Variants in PCDHA1 observed in about 807,000 individuals in gnomAD.
PCDHA1 encodes protocadherin alpha 1, also known as protocadherin alpha-1.
In PCDHA1, 42 loss-of-function variants were observed where a neutral mutation model predicts 61.3. That is an observed-to-expected ratio of 0.69 (90% CI 0.54 to 0.89). The LOEUF is 0.89. PCDHA1 is among the 40% of genes least tolerant of loss of function. The pLI is 0.00. For synonymous variants in PCDHA1, 610 were observed against 553.8 expected, an observed-to-expected ratio of 1.10 and a Z score of -1.43; for missense variants, 1,256 against 1,235.3, an observed-to-expected ratio of 1.02 and a Z score of -0.25.
At position 140,882,956 on chromosome 5, in the gene PCDHA1, A is replaced by G; in HGVS notation, c.2394+94272A>G. The stretch of plus-strand genomic sequence containing the variant: ...GCTGACTGGCACAGTTCAGCTGCTC[A>G]TCACGATTCTGGACGTGAATGACAA... On this transcript the variant is annotated intron_variant, in intron 1 of 3. Coordinates refer to ENST00000504120, the MANE Select transcript of PCDHA1 (RefSeq NM_018900.4). The G allele has an allele frequency of 6.2e-7, 1 of 1,614,228 alleles. No individual in the cohort carries two copies. The highest frequency in any genetic ancestry group is 8.5e-7 in the Non-Finnish European group (1 of 1,180,044).
chr5:140,888,421 G>T (rs1046155514), intron 1 of PCDHA1, among the ~76,000 whole-genome samples: 9 of 152,144 alleles, frequency 5.9e-5, no homozygotes. Context: ...ACATCCTACC[G>T]TGCACAGGAC....
intron 1 of PCDHA1, chr5:140,823,125 C>T (rs2150122536): frequency 2.0e-5 from 32 of 1,613,928 alleles, no homozygotes; most frequent in South Asian, 2.0e-4. Context: ...TGAACGACAA[C>T]GCTCCGGCGT....
intron 1 of PCDHA1, among the ~76,000 whole-genome samples, chr5:140,955,016 T>C (rs1389069329): frequency 6.6e-6 from 1 of 152,226 alleles, no homozygotes; most frequent in Admixed American, 6.5e-5. Context: ...CCCAGCACCA[T>C]TTATTAAATA....
chr5:140,926,405 T>C (rs1554203436), intron 1 of PCDHA1: 1 of 152,454 alleles, frequency 6.6e-6, no homozygotes, highest in Non-Finnish European at 1.5e-5. Context: ...TTATCAGCAA[T>C]CTGCGGGCAG....
intron 3 of PCDHA1, among the ~76,000 whole-genome samples, chr5:141,003,148 GA>G (rs1554258931): frequency 1.3e-5 from 2 of 152,188 alleles, no homozygotes; most frequent in African/African-American, 4.8e-5. Flanking sequence ...CAAAGACTCT[GA>G]CCTGATCAAT....
At chr5:140,823,030 G>A (rs1767524981) in intron 1 of PCDHA1, 1 of 1,614,220 alleles carries the variant, frequency 6.2e-7, no homozygotes, top group Non-Finnish European at 8.5e-7. Context: ...GAGCGTGTCG[G>A]TCTATGAGCT....
At chr5:140,820,200 C>T (rs2150106247) in intron 1 of PCDHA1, among the ~76,000 whole-genome samples, 3 of 151,706 alleles carry the variant, frequency 2.0e-5, no homozygotes, top group African/African-American at 4.8e-5. Flanking sequence ...TGTGTTTCAA[C>T]GATCCAAATA....
At chr5:140,794,416 A>G (rs1192291946) in intron 1 of PCDHA1, among the ~76,000 whole-genome samples, 1 of 152,262 alleles carries the variant, frequency 6.6e-6, no homozygotes, top group African/African-American at 2.4e-5. Context: ...GAGTCCACTT[A>G]CACGAAATAT....
chr5:140,857,656 G>C (rs1269090821), intron 1 of PCDHA1: 1 of 1,596,806 alleles, frequency 6.3e-7, no homozygotes, highest in Non-Finnish European at 8.6e-7. Flanking sequence ...AGGTGAGCGC[G>C]CGCGATGGGG....
At chr5:140,802,973 G>A (rs1233105418) in intron 1 of PCDHA1, 22 of 1,613,896 alleles carry the variant, frequency 1.4e-5, no homozygotes, top group African/African-American at 4.0e-5. Context: ...ACGTGGTAGC[G>A]AAGGTGCGCG....
At chr5:140,905,622 T>G (rs962403940) in intron 1 of PCDHA1, among the ~76,000 whole-genome samples, 3 of 152,236 alleles carry the variant, frequency 2.0e-5, no homozygotes, top group Non-Finnish European at 4.4e-5. Context: ...AGATTGCTTT[T>G]GACAGTATGG....
chr5:140,843,397 G>A lies in PCDHA1; in HGVS notation c.2394+54713G>A, dbSNP rs2150359226. 4 of 1,596,068 alleles carry A rather than the reference G, an allele frequency of 2.5e-6. No homozygotes were observed. In the East Asian group the frequency reaches 6.7e-5, roughly 27 times the overall value. On this transcript the variant is annotated intron_variant, in intron 1 of 3. Coordinates refer to ENST00000504120, the MANE Select transcript of PCDHA1 (RefSeq NM_018900.4). ...CTGGCGTTTTGGGTCCGGAAGCGGC[G>A]CTGGTGGATGTCAACGTGTACCTGA... is the stretch of plus-strand genomic sequence containing the variant.
In PCDHA1 at chr5:140,961,349, T is replaced by C. The variant is rs1352312577; in HGVS notation, c.2395-17600T>C. Among the ~76,000 whole-genome samples the C allele has an allele frequency of 2.0e-5, 3 of 152,204 alleles. No individual in the cohort carries two copies. The East Asian group carries it at 5.8e-4, about 29-fold the overall frequency. On this transcript the variant is annotated intron_variant, in intron 1 of 3. Coordinates refer to ENST00000504120, the MANE Select transcript of PCDHA1 (RefSeq NM_018900.4). Reference sequence around the variant, plus strand: ...TTGAGAGACCAAGAGTGGATCCCTGTAGTCCCCATTAGAATTCTCCTTCTA... The same window carrying C: ...TTGAGAGACCAAGAGTGGATCCCTGCAGTCCCCATTAGAATTCTCCTTCTA...
chr5:140,812,658 C>T (rs1765153974), intron 1 of PCDHA1: 1 of 152,166 alleles, frequency 6.6e-6, no homozygotes, highest in African/African-American at 2.4e-5. Context: ...CAAGATCTCA[C>T]TATGATGTAC....
intron 1 of PCDHA1, among the ~76,000 whole-genome samples, chr5:140,832,062 A>G (rs1554133455): frequency 6.6e-6 from 1 of 152,224 alleles, no homozygotes. Context: ...TACCAATTTA[A>G]TCTGAGATGT....
intron 1 of PCDHA1, among the ~76,000 whole-genome samples, chr5:140,953,965 G>A (rs1554221174): frequency 6.6e-6 from 1 of 152,024 alleles, no homozygotes; most frequent in Non-Finnish European, 1.5e-5. Flanking sequence ...GCCCCAGTGT[G>A]TGTTGTTCCC....
chr5:141,005,932 G>A (rs1588114868), intron 3 of PCDHA1, among the ~76,000 whole-genome samples: 2 of 152,074 alleles, frequency 1.3e-5, no homozygotes, highest in East Asian at 3.9e-4. Context: ...GGTTGACAGA[G>A]TGAGAACCTA....
rs781977975 is a variant in PCDHA1, at chr5:140,857,750, C to G, written c.2394+69066C>G. 1.9e-6 allele frequency: 3 copies of G among 1,597,316 alleles called. No homozygotes were observed. Among genetic ancestry groups the G allele is most frequent in the Non-Finnish European group, 1.7e-6 (2 of 1,167,614 alleles). On this transcript the variant is annotated intron_variant, in intron 1 of 3. Coordinates refer to ENST00000504120, the MANE Select transcript of PCDHA1 (RefSeq NM_018900.4). ...CAACGCTCCCGCGCTGCTGGCGTCT[C>G]CCGCTGGCAGCGCGGGCGGTGCAGT...
At chr5:140,834,587 C>T (rs2150222038) in intron 1 of PCDHA1, 4 of 1,614,120 alleles carry the variant, frequency 2.5e-6, no homozygotes, top group Admixed American at 3.3e-5. Context: ...GGGCGGTGTG[C>T]AAATTCCGTG....
Sources: allele counts gnomAD v4.1 joint callset (sites outside exome capture counted in the v4.1 genomes callset), GRCh38; gene constraint gnomAD v4.1.1; transcripts MANE v1.5; gene names NCBI Gene and HGNC (gene_info 2026-07-23, HGNC 2026-07-21).